The following SNX14 variants were observed in gnomAD, a reference collection of about 807,000 sequenced individuals.
The protein encoded by SNX14 is sorting nexin-14.
Under a neutral mutation model 133.8 loss-of-function variants are expected in SNX14, and 93 were observed. The ratio of observed to expected loss-of-function variants is 0.70; its 90% confidence interval spans 0.59 to 0.83. SNX14 has a LOEUF of 0.83. Ranked by LOEUF, SNX14 falls within the 40% of genes least tolerant of loss-of-function variation. The pLI is 0.00. For missense variants in SNX14, 945 were observed against 1,094.9 expected, an observed-to-expected ratio of 0.86 and a Z score of 1.93; for synonymous variants, 368 against 365.6, an observed-to-expected ratio of 1.01 and a Z score of -0.07.
intron 6 of SNX14, among the ~76,000 whole-genome samples, chr6:85,564,698 T>C (rs535838225): frequency 6.6e-6 from 1 of 152,024 alleles, no homozygotes; most frequent in Non-Finnish European, 1.5e-5. Context: ...AAAGTAAAAA[T>C]AAGGTTTAAG....
At chr6:85,572,104 T>C in intron 4 of SNX14, 33 bp downstream of exon 4, 1 of 1,551,468 alleles carries the variant, frequency 6.4e-7, no homozygotes, top group South Asian at 1.2e-5. Flanking sequence ...GCATTTAACA[T>C]TTTCTGTTAA....
intron 1 of SNX14, among the ~76,000 whole-genome samples, chr6:85,575,302 A>T (rs924040412): frequency 1.3e-5 from 2 of 152,220 alleles, no homozygotes; most frequent in Non-Finnish European, 2.9e-5. Flanking sequence ...AATGCCAATG[A>T]CCACAGTATT....
At chr6:85,512,696 G>A (rs1183589206) in intron 26 of SNX14, among the ~76,000 whole-genome samples, 1 of 151,570 alleles carries the variant, frequency 6.6e-6, no homozygotes, top group Admixed American at 6.6e-5. Context: ...CTCTTAAAAA[G>A]AGATTTAAAA....
chr6:85,543,791 T>C (rs753899100), intron 12 of SNX14, 31 bp from the exon 13 acceptor site: 13 of 1,307,718 alleles, frequency 9.9e-6, no homozygotes, highest in South Asian at 8.8e-5. Context: ...TAAGAAAAAA[T>C]AATTTTAATA....
chr6:85,565,644 CAT>C (rs563070670), intron 5 of SNX14, among the ~76,000 whole-genome samples: 1 of 152,144 alleles, frequency 6.6e-6, no homozygotes, highest in Non-Finnish European at 1.5e-5. Flanking sequence ...TAAATTGTAA[CAT>C]ATATTTCCTT....
intron 6 of SNX14, among the ~76,000 whole-genome samples, chr6:85,558,660 C>T (rs936803883): frequency 4.6e-5 from 7 of 152,132 alleles, no homozygotes; most frequent in Admixed American, 2.6e-4. Context: ...AACGGGGTTT[C>T]GCCATGTTGC....
chr6:85,509,649 C>A (rs1051092140), intron 26 of SNX14, among the ~76,000 whole-genome samples: 20 of 152,164 alleles, frequency 1.3e-4, no homozygotes, highest in Non-Finnish European at 1.3e-4. Context: ...ACATTTGTTA[C>A]AACTGATAAC....
At position 85,576,276 on chromosome 6, in the gene SNX14, G is replaced by A. The variant is rs1325124653; in HGVS notation, c.141-1898C>T. 7.9e-5 allele frequency among the ~76,000 whole-genome samples: 12 copies of A among 152,226 alleles called. 1 individual carries two copies. In the East Asian group the frequency reaches 2.3e-3, roughly 29 times the overall value. Reference sequence around the variant, plus strand: ...TAGAGACTACAATCCCTTCTGCAAAGTGTTCTTTCTTTACACTCTATTCAT... The same window carrying A: ...TAGAGACTACAATCCCTTCTGCAAAATGTTCTTTCTTTACACTCTATTCAT... On this transcript the variant is annotated intron_variant, in intron 1 of 28. Coordinates refer to ENST00000314673, the MANE Select transcript of SNX14 (RefSeq NM_153816.6).
chr6:85,561,490 T>C (rs968217333), intron 6 of SNX14: 1 of 152,250 alleles, frequency 6.6e-6, no homozygotes, highest in African/African-American at 2.4e-5. Context: ...CTTAAATGGT[T>C]TGTCATCAAC....
rs148444934 is a variant in SNX14 at position 85,585,365 on chromosome 6, C to T, written c.140+8214G>A. ...AAACCCACATGTTCTGCACATGTAT[C>T]CCAGAACTTAAAGTATAATTAAAAA... On this transcript the variant is annotated intron_variant, in intron 1 of 28. Coordinates refer to ENST00000314673, the MANE Select transcript of SNX14 (RefSeq NM_153816.6). 9.6e-3 allele frequency among the ~76,000 whole-genome samples: 1,453 copies of T among 151,860 alleles called. 25 individuals carry two copies. Among genetic ancestry groups the T allele is most frequent in the African/African-American group, 0.033 (1,378 of 41,380 alleles).
chr6:85,565,285 A>T, intron 6 of SNX14, 47 bp downstream of exon 6: 1 of 1,232,624 alleles, frequency 8.1e-7, no homozygotes, highest in South Asian at 1.4e-5. Flanking sequence ...CTCTTTCATT[A>T]AATGATAAAG....
At chr6:85,560,428 T>G (rs886184548) in intron 6 of SNX14, among the ~76,000 whole-genome samples, 1 of 152,186 alleles carries the variant, frequency 6.6e-6, no homozygotes, top group East Asian at 1.9e-4. Context: ...ATGTTCAGAA[T>G]AGACATCCAA....
chr6:85,543,882 C>T (rs1784646771), intron 12 of SNX14, 122 bp from the exon 13 acceptor site: 3 of 474,404 alleles, frequency 6.3e-6, no homozygotes. Context: ...TCTAATTCAT[C>T]TAAGTTTTTA....
intron 2 of SNX14, among the ~76,000 whole-genome samples, chr6:85,572,642 A>G (rs1796021382): frequency 6.6e-6 from 1 of 152,222 alleles, no homozygotes; most frequent in Non-Finnish European, 1.5e-5. Flanking sequence ...ATCACTTAAA[A>G]AAAATTCAGT....
chr6:85,545,828 C>A (rs1029842952), intron 12 of SNX14, among the ~76,000 whole-genome samples: 2 of 152,148 alleles, frequency 1.3e-5, no homozygotes, highest in Non-Finnish European at 1.5e-5. Flanking sequence ...CGATTACAGG[C>A]ATGAGCCAAC....
intron 2 of SNX14, among the ~76,000 whole-genome samples, chr6:85,573,981 A>G (rs1318909082): frequency 6.6e-6 from 1 of 152,160 alleles, no homozygotes; most frequent in African/African-American, 2.4e-5. Context: ...ATACCTTAAA[A>G]GCATACACAT....
chr6:85,589,136 G>A (rs1186417112), intron 1 of SNX14: 2 of 220,528 alleles, frequency 9.1e-6, no homozygotes, highest in African/African-American at 2.3e-5. Context: ...ATCAAAGAAG[G>A]GTCCATGTGA....
At chr6:85,534,831 G>T (rs1053622454) in intron 17 of SNX14, among the ~76,000 whole-genome samples, 6 of 141,032 alleles carry the variant, frequency 4.3e-5, no homozygotes, top group Non-Finnish European at 6.1e-5. Context: ...AAAAGGGAAA[G>T]TTTTTTTTTT....
intron 6 of SNX14, among the ~76,000 whole-genome samples, chr6:85,559,586 C>T (rs528970164): frequency 6.6e-6 from 1 of 152,266 alleles, no homozygotes; most frequent in South Asian, 2.1e-4. Context: ...AATAAGATGA[C>T]CAAGGCCTAA....
Sources: allele counts gnomAD v4.1 joint callset (sites outside exome capture counted in the v4.1 genomes callset), GRCh38; gene constraint gnomAD v4.1.1; transcripts MANE v1.5; gene names NCBI Gene and HGNC (gene_info 2026-07-23, HGNC 2026-07-21).